ARMH4: variants seen among roughly 807,000 people sequenced by gnomAD.
ARMH4 encodes the protein armadillo like helical domain containing 4, also known as armadillo-like helical domain-containing protein 4.
In ARMH4, 49 loss-of-function variants were observed where a neutral mutation model predicts 61.9. The ratio of observed to expected loss-of-function variants is 0.79; its 90% confidence interval spans 0.63 to 1.00. The LOEUF is 1.00. Among genes scored for constraint, ARMH4 ranks in the 50% least tolerant of loss-of-function variants. The pLI is 0.00. For synonymous variants in ARMH4, 368 were observed against 341.5 expected (o/e 1.08, Z -0.85); for missense variants, 934 against 930.0 (o/e 1.00, Z -0.06).
At chr14:58,006,748 C>T (rs942310219) in intron 6 of ARMH4, among the ~76,000 whole-genome samples, 9 of 141,902 alleles carry the variant, frequency 6.3e-5, no homozygotes, top group South Asian at 2.3e-4. Context: ...CATCACACAC[C>T]GGGCCCTGTC....
chr14:58,133,057 C>G (rs916598602), intron 3 of ARMH4, 33 bp downstream of exon 3: 2 of 1,610,908 alleles, frequency 1.2e-6, no homozygotes, highest in Non-Finnish European at 1.7e-6. Context: ...AGATCCACCC[C>G]CAAAACAGAG....
At chr14:58,055,033 A>G (rs554927243) in intron 5 of ARMH4, among the ~76,000 whole-genome samples, 76 of 152,204 alleles carry the variant, frequency 5.0e-4, no homozygotes, top group Non-Finnish European at 8.4e-4. Flanking sequence ...CTGGATTTCA[A>G]GAAAGGCACA....
intron 5 of ARMH4, among the ~76,000 whole-genome samples, chr14:58,032,704 G>T (rs895897730): frequency 6.7e-6 from 1 of 149,144 alleles, no homozygotes; most frequent in Non-Finnish European, 1.5e-5. Context: ...CGCACCGTGC[G>T]CGAGCCGAAG....
intron 5 of ARMH4, among the ~76,000 whole-genome samples, chr14:58,050,945 A>G (rs1884117839): frequency 6.6e-6 from 1 of 152,110 alleles, no homozygotes; most frequent in Non-Finnish European, 1.5e-5. Context: ...TTATGTCACA[A>G]ATAGAAATAA....
intron 4 of ARMH4, among the ~76,000 whole-genome samples, chr14:58,128,435 C>CTAA (rs1175273032): frequency 6.6e-6 from 1 of 152,138 alleles, no homozygotes; most frequent in Non-Finnish European, 1.5e-5. Flanking sequence ...TTCAAAGCTG[C>CTAA]TAAATACAGC....
intron 5 of ARMH4, among the ~76,000 whole-genome samples, chr14:58,041,850 G>A (rs1396502350): frequency 6.6e-6 from 1 of 152,036 alleles, no homozygotes; most frequent in Non-Finnish European, 1.5e-5. Flanking sequence ...AGACAAAGAA[G>A]GCCATTACAT....
intron 5 of ARMH4, among the ~76,000 whole-genome samples, chr14:58,036,780 A>C (rs1272267387): frequency 1.7e-5 from 2 of 119,412 alleles, no homozygotes; most frequent in Non-Finnish European, 3.7e-5. Flanking sequence ...GAGCCAAATC[A>C]TGAGTGAACT....
At chr14:58,063,915 G>C (rs949259894) in intron 5 of ARMH4, among the ~76,000 whole-genome samples, 5 of 152,186 alleles carry the variant, frequency 3.3e-5, no homozygotes, top group African/African-American at 7.2e-5. Flanking sequence ...TAAAAAATGA[G>C]TTTGTAATCT....
intron 4 of ARMH4, among the ~76,000 whole-genome samples, chr14:58,112,328 C>CACT (rs1351726679): frequency 2.0e-5 from 3 of 149,482 alleles, no homozygotes; most frequent in Non-Finnish European, 4.4e-5. Flanking sequence ...TATTTTCCCC[C>CACT]ACTACTGGTT....
intron 5 of ARMH4, among the ~76,000 whole-genome samples, chr14:58,088,907 C>G (rs1424748088): frequency 6.6e-6 from 1 of 152,184 alleles, no homozygotes; most frequent in Admixed American, 6.5e-5. Context: ...TGCTCTTTCT[C>G]CATCTCCCTA....
chr14:58,042,231 G>A (rs1289173793), intron 5 of ARMH4, among the ~76,000 whole-genome samples: 1 of 152,182 alleles, frequency 6.6e-6, no homozygotes, highest in Non-Finnish European at 1.5e-5. Flanking sequence ...TAAAAGGACA[G>A]AAATTATAAC....
rs1373984874 is a variant in ARMH4, at chr14:58,002,156, C to T, written c.*2580G>A. The T allele has an allele frequency of 2.0e-5, 3 of 152,156 alleles. No homozygotes were observed. The highest frequency in any genetic ancestry group is 7.2e-5 in the African/African-American group (3 of 41,436). The allele number at this position is 152,156 out of a possible 1,614,324, so 9.4% of individuals were successfully genotyped here. A position where few individuals can be genotyped will look rare whatever the true frequency, so the allele number is the denominator to read the frequency against. ...GGCCAGCACTTCCATCTCGTAGCAG[C>T]ATCTCTAATCCCAGGTTTTGTTTAA... On this transcript the variant is annotated 3_prime_UTR_variant, in exon 8 of 8. Coordinates refer to ENST00000267485, the MANE Select transcript of ARMH4 (RefSeq NM_001001872.4).
intron 5 of ARMH4, among the ~76,000 whole-genome samples, chr14:58,072,797 G>C (rs990135313): frequency 2.0e-5 from 3 of 152,086 alleles, no homozygotes; most frequent in African/African-American, 7.2e-5. Context: ...TGAGTTCAAG[G>C]AAGAGCCATC....
chr14:58,038,540 T>A (rs8018176), intron 5 of ARMH4, among the ~76,000 whole-genome samples: 1 of 140,932 alleles, frequency 7.1e-6, no homozygotes, highest in African/African-American at 2.6e-5. Context: ...TACCCTAAAA[T>A]TTAAAGTATA....
At chr14:58,107,482 G>A (rs765736615) in intron 4 of ARMH4, among the ~76,000 whole-genome samples, 14 of 152,044 alleles carry the variant, frequency 9.2e-5, no homozygotes, top group Non-Finnish European at 1.8e-4. Context: ...AAACAAATTA[G>A]AGGCCGGATG....
At chr14:58,010,953 T>C (rs1277217633) in intron 6 of ARMH4, among the ~76,000 whole-genome samples, 3 of 141,290 alleles carry the variant, frequency 2.1e-5, no homozygotes, top group African/African-American at 7.5e-5. Context: ...CATCATATTT[T>C]TCCCTGAAAA....
At chr14:58,123,891 C>A (rs1886812768) in intron 4 of ARMH4, among the ~76,000 whole-genome samples, 1 of 152,240 alleles carries the variant, frequency 6.6e-6, no homozygotes, top group Non-Finnish European at 1.5e-5. Context: ...TCAAGCCACC[C>A]AAGCGCTCTT....
At chr14:58,096,686 GGA>G in intron 5 of ARMH4, 36 bp downstream of exon 5, 1 of 1,590,356 alleles carries the variant, frequency 6.3e-7, no homozygotes, top group Non-Finnish European at 8.6e-7. Flanking sequence ...TAAAAGGAGG[GGA>G]GAAGGGAGGA....
At chr14:58,064,344 C>T (rs1186388696) in intron 5 of ARMH4, among the ~76,000 whole-genome samples, 1 of 152,184 alleles carries the variant, frequency 6.6e-6, no homozygotes, top group Non-Finnish European at 1.5e-5. Context: ...CTCTGATTCT[C>T]ACTATCTTTG....
Sources: gnomAD v4.1 joint callset for allele counts (sites outside exome capture counted in the v4.1 genomes callset) on GRCh38, gnomAD v4.1.1 for gene constraint, MANE v1.5 for transcripts, NCBI Gene and HGNC (gene_info 2026-07-23, HGNC 2026-07-21) for gene names.